The following PPP1R12B variants were observed in gnomAD, a reference collection of about 807,000 sequenced individuals.
PPP1R12B encodes the protein myosin phosphatase target subunit 2.
PPP1R12B carries 76 observed loss-of-function variants against 126.1 expected under a neutral mutation model. That is an observed-to-expected ratio of 0.60 (90% CI 0.50 to 0.73). PPP1R12B has a LOEUF of 0.73. Ranked by LOEUF, PPP1R12B falls within the 30% of genes least tolerant of loss-of-function variation. The pLI is 0.00. For missense variants in PPP1R12B, 1,052 were observed against 1,205.1 expected, an observed-to-expected ratio of 0.87 and a Z score of 1.88; for synonymous variants, 356 against 434.7, an observed-to-expected ratio of 0.82 and a Z score of 2.25.
intron 12 of PPP1R12B, among the ~76,000 whole-genome samples, chr1:202,446,236 C>CTCTCTCTA (rs1491246158): frequency 2.3e-5 from 2 of 88,044 alleles, no homozygotes; most frequent in Non-Finnish European, 2.2e-5. Context: ...CTCTCTCTCT[C>CTCTCTCTA]TATATATATA....
At chr1:202,504,569 T>A (rs1453518935) in intron 18 of PPP1R12B, among the ~76,000 whole-genome samples, 3 of 152,212 alleles carry the variant, frequency 2.0e-5, no homozygotes, top group Non-Finnish European at 2.9e-5. Flanking sequence ...ATTTTAAAGT[T>A]AACAGCTGAG....
At chr1:202,362,657 TTG>T (rs775059764) in intron 1 of PPP1R12B, among the ~76,000 whole-genome samples, 6 of 150,852 alleles carry the variant, frequency 4.0e-5, no homozygotes, top group African/African-American at 7.4e-5. Context: ...CCCAGGGTTT[TTG>T]TTTTTTTTTT....
intron 1 of PPP1R12B, among the ~76,000 whole-genome samples, chr1:202,395,076 C>T (rs1664746635): frequency 7.7e-6 from 1 of 129,618 alleles, no homozygotes; most frequent in Admixed American, 9.6e-5. Context: ...GAGATGATGC[C>T]ACTGCGCTCC....
At chr1:202,413,378 A>G (rs1228058199) in intron 1 of PPP1R12B, among the ~76,000 whole-genome samples, 2 of 152,184 alleles carry the variant, frequency 1.3e-5, no homozygotes, top group Admixed American at 6.5e-5. Flanking sequence ...TCTTGGTGTG[A>G]TATGTACTAC....
At chr1:202,381,416 G>A (rs1447398058) in intron 1 of PPP1R12B, among the ~76,000 whole-genome samples, 2 of 148,918 alleles carry the variant, frequency 1.3e-5, no homozygotes, top group African/African-American at 5.0e-5. Context: ...GTGTGTGTGT[G>A]TGTGTGTGTG....
intron 18 of PPP1R12B, among the ~76,000 whole-genome samples, chr1:202,541,925 G>A (rs2148964325): frequency 6.6e-6 from 1 of 152,296 alleles, no homozygotes; most frequent in East Asian, 1.9e-4. Context: ...ATAAGAGACT[G>A]CTTCCCAATT....
intron 5 of PPP1R12B, among the ~76,000 whole-genome samples, chr1:202,427,970 A>C (rs1478242866): frequency 8.2e-6 from 1 of 121,426 alleles, no homozygotes; most frequent in Non-Finnish European, 1.8e-5. Flanking sequence ...TAATTAAACT[A>C]ATTTTTTTTT....
At chr1:202,376,478 A>G (rs1661188972) in intron 1 of PPP1R12B, among the ~76,000 whole-genome samples, 1 of 152,220 alleles carries the variant, frequency 6.6e-6, no homozygotes, top group Non-Finnish European at 1.5e-5. Flanking sequence ...TGTCATAGGT[A>G]TTGAATCAGC....
In PPP1R12B at chr1:202,403,379, C is replaced by T. The variant is rs577006475; in HGVS notation, c.292-13408C>T. On this transcript the variant is annotated intron_variant, in intron 1 of 23. Transcript: ENST00000608999. ...TAATTTACCAACTCATTTTCTATTCCAAAGATTAAAATTTTCGAGAAGAAA... is the reference window on the plus strand; with the variant it reads ...TAATTTACCAACTCATTTTCTATTCTAAAGATTAAAATTTTCGAGAAGAAA... Among the ~76,000 whole-genome samples the T allele has an allele frequency of 2.0e-5, 3 of 152,230 alleles. No homozygotes were observed. The East Asian group carries it at 5.8e-4, about 29-fold the overall frequency.
intron 18 of PPP1R12B, among the ~76,000 whole-genome samples, chr1:202,551,872 C>T (rs1686366588): frequency 2.0e-5 from 3 of 152,176 alleles, no homozygotes; most frequent in Admixed American, 6.5e-5. Flanking sequence ...AGCCACTACC[C>T]TGCAAGGCAG....
intron 23 of PPP1R12B, chr1:202,575,121 C>G (rs1167973306): frequency 6.2e-7 from 1 of 1,613,634 alleles, no homozygotes; most frequent in South Asian, 1.1e-5. Context: ...AGTCCTCGGA[C>G]ACCCAGGAGC....
rs770527116 is a variant in PPP1R12B at position 202,416,861 on chromosome 1, C to T, written c.366C>T (p.Asn122=). 35 of 1,613,852 alleles carry T rather than the reference C, an allele frequency of 2.2e-5. No homozygotes were observed. Among genetic ancestry groups the T allele is most frequent in the Middle Eastern group, 1.6e-4 (1 of 6,082 alleles). Residue 122 remains asparagine (N), a synonymous_variant, in exon 2 of 24, where the codon AAC becomes AAT. Coordinates refer to ENST00000608999, the MANE Select transcript of PPP1R12B (RefSeq NM_002481.4). ...GAGCCAATGTAAACCAGCAAGACAA[C>T]GAGGGCTGGACACCCCTTCATGCAG... The part of the protein sequence containing the change: ...ENRANVNQQD[N]EGWTPLHAAA...
intron 18 of PPP1R12B, among the ~76,000 whole-genome samples, chr1:202,546,062 T>C (rs1685623039): frequency 2.0e-5 from 3 of 152,340 alleles, no homozygotes; most frequent in Non-Finnish European, 2.9e-5. Context: ...TTGGCAGCTA[T>C]GGAAGCTGGA....
intron 18 of PPP1R12B, among the ~76,000 whole-genome samples, chr1:202,515,874 G>A (rs189057612): frequency 3.9e-5 from 6 of 152,280 alleles, no homozygotes; most frequent in South Asian, 2.1e-4. Context: ...TGGTATATCC[G>A]ATTGACCTTT....
In PPP1R12B at chr1:202,449,152, G is replaced by A. The variant is rs747140703; in HGVS notation, c.1831G>A (p.Glu611Lys). The change falls in exon 13 of 24, where the codon GAA becomes AAA. Residue 611 changes from glutamate (E) to lysine (K), a missense_variant. Coordinates refer to ENST00000608999, the MANE Select transcript of PPP1R12B (RefSeq NM_002481.4). ...LSITGTDSSV[E>K]AREKRRSYLT... ...CATTACTGGAACAGATTCCTCTGTG[G>A]AAGCCAGGGAGAAGAGGAGGTATGT... 3.7e-6 allele frequency: 6 copies of A among 1,608,046 alleles called. No individual in the cohort carries two copies. The East Asian group carries it at 1.1e-4, about 30-fold the overall frequency.
rs77027284 is a variant in PPP1R12B, at chr1:202,498,974, A to G, written c.2490+2152A>G. 2.3e-3 allele frequency among the ~76,000 whole-genome samples: 355 copies of G among 152,216 alleles called. 10 individuals are homozygous for G. The East Asian group carries it at 0.062, about 27-fold the overall frequency. ...TATAATATCTATTATTTTTAAAGTT[A>G]TCTCTTCCCAAGACTCTAATATCTT... On this transcript the variant is annotated intron_variant, in intron 18 of 23. Transcript: ENST00000608999.
At chr1:202,439,037 G>T in intron 10 of PPP1R12B, 12 of 1,373,982 alleles carry the variant, frequency 8.7e-6, no homozygotes, top group Non-Finnish European at 2.1e-6. Flanking sequence ...CCAGTGGGCG[G>T]ACTTCATCCT....
intron 2 of PPP1R12B, among the ~76,000 whole-genome samples, chr1:202,418,834 T>C (rs1195776108): frequency 2.6e-5 from 4 of 152,344 alleles, no homozygotes; most frequent in African/African-American, 9.6e-5. Flanking sequence ...ACATTGTTTG[T>C]ACTGTTCATT....
Position 202,589,207 on chromosome 1 carries a change from A to C in PPP1R12B, c.*8647A>C, listed in dbSNP as rs1314095562. 1.3e-5 allele frequency: 2 copies of C among 152,228 alleles called. No homozygotes were observed. The highest frequency in any genetic ancestry group is 1.5e-5 in the Non-Finnish European group (1 of 68,052). The allele number at this position is 152,228 out of a possible 1,614,324, so 9.4% of individuals were successfully genotyped here. ...CTCAAAATGAAGGAGCCATGCCCAG[A>C]GAAGAGCTGTTCAGGCCCGCTGGCA... is the stretch of plus-strand genomic sequence containing the variant. On this transcript the variant is annotated 3_prime_UTR_variant, in exon 24 of 24. Transcript: ENST00000608999.
Sources: allele counts gnomAD v4.1 joint callset (sites outside exome capture counted in the v4.1 genomes callset), GRCh38; gene constraint gnomAD v4.1.1; transcripts MANE v1.5; gene names NCBI Gene and HGNC (gene_info 2026-07-23, HGNC 2026-07-21).